The following TNRC18 variants were observed in gnomAD, a reference collection of about 807,000 sequenced individuals.
TNRC18 encodes the protein trinucleotide repeat containing 18, also known as trinucleotide repeat-containing gene 18 protein.
Under a neutral mutation model 226.7 loss-of-function variants are expected in TNRC18, and 69 were observed. That is an observed-to-expected ratio of 0.30 (90% CI 0.25 to 0.37). TNRC18 has a LOEUF of 0.37. Among genes scored for constraint, TNRC18 ranks in the 10% least tolerant of loss-of-function variants. The pLI is 1.00. For missense variants in TNRC18, 4,754 were observed against 4,256.6 expected, an observed-to-expected ratio of 1.12 and a Z score of -3.25; for synonymous variants, 2,449 against 1,927.6, an observed-to-expected ratio of 1.27 and a Z score of -7.09.
chr7:5,385,252 C>G (rs1192595752), intron 5 of TNRC18, among the ~76,000 whole-genome samples: 1 of 152,018 alleles, frequency 6.6e-6, no homozygotes, highest in Non-Finnish European at 1.5e-5. Flanking sequence ...TTCAGGAGGC[C>G]AAGGTGGGCA....
intron 18 of TNRC18, among the ~76,000 whole-genome samples, chr7:5,343,199 C>T (rs541622644): frequency 6.6e-6 from 1 of 151,874 alleles, no homozygotes; most frequent in South Asian, 2.1e-4. Context: ...ATTAAAAATA[C>T]AAAAATTAGC....
intron 2 of TNRC18, among the ~76,000 whole-genome samples, chr7:5,395,713 C>T (rs893481408): frequency 2.0e-5 from 3 of 152,306 alleles, no homozygotes; most frequent in Admixed American, 6.5e-5. Context: ...ATAATGAGGC[C>T]GAACACGGTG....
intron 17 of TNRC18, among the ~76,000 whole-genome samples, chr7:5,350,388 G>T (rs1001953632): frequency 6.8e-6 from 1 of 147,276 alleles, no homozygotes; most frequent in African/African-American, 2.5e-5. Context: ...TCTGGGAGGG[G>T]AGGCGGTAGA....
At chr7:5,416,899 GAGGAGCC>G (rs1438810965) in intron 2 of TNRC18, among the ~76,000 whole-genome samples, 2 of 152,092 alleles carry the variant, frequency 1.3e-5, no homozygotes, top group Non-Finnish European at 2.9e-5. Flanking sequence ...GCCAAGGCAG[GAGGAGCC>G]CAGGAGTTTG....
intron 11 of TNRC18, among the ~76,000 whole-genome samples, chr7:5,369,857 G>A (rs949848519): frequency 6.6e-5 from 10 of 152,280 alleles, no homozygotes; most frequent in African/African-American, 2.4e-4. Flanking sequence ...CAGACTGGCT[G>A]CACAGTGCAA....
Position 5,333,030 on chromosome 7 carries a change from G to T in TNRC18, c.5739C>A (p.Thr1913=), listed in dbSNP as rs375702369. Residue 1913 remains threonine, a synonymous_variant, in exon 19 of 30, where the codon ACC becomes ACA. Transcript: ENST00000430969. ...GCACCTTGACCTCGCTCTCTGAGTCGGTGTACTCGAACTCTGTGCCTGAAC... is the reference window on the plus strand; with the variant it reads ...GCACCTTGACCTCGCTCTCTGAGTCTGTGTACTCGAACTCTGTGCCTGAAC... The part of the protein sequence containing the change: ...QSLLGTEFEY[T]DSESEVKVRK... 77 of 1,577,348 alleles carry T rather than the reference G, an allele frequency of 4.9e-5. No individual in the cohort carries two copies. Among genetic ancestry groups the T allele is most frequent in the Non-Finnish European group, 6.4e-5 (75 of 1,169,892 alleles).
Position 5,352,098 on chromosome 7 carries a change from C to A in TNRC18, c.5195-4G>T. 1 of 1,595,066 alleles carries A rather than the reference C, an allele frequency of 6.3e-7. No individual in the cohort carries two copies. Among genetic ancestry groups the A allele is most frequent in the Non-Finnish European group, 8.5e-7 (1 of 1,170,156 alleles). ...TCGTCTTCCTCTGAGTCCGTATCTG[C>A]AGTCAAAGTAGTTTTTAATAGAGAT... On this transcript the variant is annotated splice_region_variant and splice_polypyrimidine_tract_variant and intron_variant, in intron 16 of 29. Transcript: ENST00000430969.
intron 13 of TNRC18, 43 bp downstream of exon 13, chr7:5,361,854 G>A (rs1225574573): frequency 1.3e-6 from 2 of 1,512,670 alleles, no homozygotes. Flanking sequence ...GGCCTGGTGG[G>A]CCGGGGCAGG....
At chr7:5,403,773 G>C (rs1004392969) in intron 2 of TNRC18, among the ~76,000 whole-genome samples, 39 of 151,440 alleles carry the variant, frequency 2.6e-4, no homozygotes, top group Middle Eastern at 3.4e-3. Context: ...CTGGGCAACA[G>C]AGTGAGACCC....
Position 5,377,008 on chromosome 7 carries a change from C to T in TNRC18, c.2462-15G>A. The T allele has an allele frequency of 6.4e-7, 1 of 1,566,962 alleles. No homozygotes were observed. Among genetic ancestry groups the T allele is most frequent in the Non-Finnish European group, 8.6e-7 (1 of 1,156,804 alleles). On this transcript the variant is annotated splice_polypyrimidine_tract_variant and intron_variant, in intron 7 of 29. Transcript: ENST00000430969. This position sits in a 1 kb window ranked among gnomAD's most constrained non-coding sequence, Gnocchi z 5.8. Reference sequence around the variant, plus strand: ...GGGACCCAAGCCTAGGAGGAGAAGCCCAGGCCTGAGTCAGTGCTGGGAGCC... The same window carrying T: ...GGGACCCAAGCCTAGGAGGAGAAGCTCAGGCCTGAGTCAGTGCTGGGAGCC...
rs1389069176 is a variant in TNRC18, at chr7:5,387,851, G to A, written c.1973C>T (p.Pro658Leu). 1 of 1,601,582 alleles carries A rather than the reference G, an allele frequency of 6.2e-7. No individual in the cohort carries two copies. Among genetic ancestry groups the A allele is most frequent in the Non-Finnish European group, 8.5e-7 (1 of 1,177,142 alleles). Residue 658 changes from proline to leucine, a missense_variant, in exon 5 of 30, where the codon CCC becomes CTC. Coordinates refer to ENST00000430969, the MANE Select transcript of TNRC18 (RefSeq NM_001080495.3). ...GCGCCCGAAAGCTTTGGCGCTCTCG[G>A]GCCTCTCGGGGTCCCGCTTCAGCTG... ...GRQLKRDPER[P>L]ESAKAFGREG...
intron 2 of TNRC18, among the ~76,000 whole-genome samples, chr7:5,400,077 TAG>T (rs1780977732): frequency 6.6e-6 from 1 of 152,072 alleles, no homozygotes; most frequent in Non-Finnish European, 1.5e-5. Flanking sequence ...TTCTTTTTCG[TAG>T]AGTCAGGATC....
intron 10 of TNRC18, among the ~76,000 whole-genome samples, chr7:5,372,061 G>A (rs1366529878): frequency 1.4e-5 from 2 of 139,274 alleles, no homozygotes; most frequent in Non-Finnish European, 3.1e-5. Context: ...GACCCACCGC[G>A]CCTGGCTAAT....
chr7:5,316,439 C>CCG (rs1787859318), intron 24 of TNRC18, among the ~76,000 whole-genome samples: 5 of 151,932 alleles, frequency 3.3e-5, no homozygotes, highest in African/African-American at 1.2e-4. Context: ...GCCACCATGC[C>CCG]TGGCTAATTC....
intron 2 of TNRC18, among the ~76,000 whole-genome samples, chr7:5,404,517 C>T (rs1028422461): frequency 2.0e-5 from 3 of 152,144 alleles, no homozygotes; most frequent in Admixed American, 6.6e-5. Flanking sequence ...ATTTTTGCTT[C>T]TAGTTGTGGA....
chr7:5,325,724 ATT>A (rs66514806), intron 19 of TNRC18: 26,153 of 62,200 alleles, frequency 0.42, 5,384 homozygotes, highest in Non-Finnish European at 0.44. Flanking sequence ...GCGCCCTGCA[ATT>A]TTTTTTTTTT....
chr7:5,307,657 G>A lies in TNRC18; in HGVS notation c.*449C>T, dbSNP rs888948974. 2 of 382,206 alleles carry A rather than the reference G, an allele frequency of 5.2e-6. No homozygotes were observed. The highest frequency in any genetic ancestry group is 1.8e-5 in the South Asian group (1 of 54,462). 23.7% of individuals were successfully genotyped at this position (382,206 alleles called of 1,614,324 possible). ...CATGCACGGTGGGAGGCCTTGGGGT[G>A]GGCTCCATGCTAAGGGTGCTTGGGA... On this transcript the variant is annotated 3_prime_UTR_variant, in exon 30 of 30. Coordinates refer to ENST00000430969, the MANE Select transcript of TNRC18 (RefSeq NM_001080495.3).
chr7:5,408,158 G>T lies in TNRC18; in HGVS notation c.187+12902C>A, dbSNP rs1028590165. 3.9e-5 allele frequency among the ~76,000 whole-genome samples: 6 copies of T among 152,158 alleles called. 1 individual carries two copies. The highest frequency in any genetic ancestry group is 3.9e-4 in the Admixed American group (6 of 15,276). On this transcript the variant is annotated intron_variant, in intron 2 of 29. Coordinates refer to ENST00000430969, the MANE Select transcript of TNRC18 (RefSeq NM_001080495.3). ...CTGCTAAAATACAAAAATTAGCTGG[G>T]CGTGGTGGCGCGCGCCTCTAGTCCC...
intron 24 of TNRC18, among the ~76,000 whole-genome samples, chr7:5,316,833 G>A (rs1787898993): frequency 1.3e-5 from 2 of 152,156 alleles, no homozygotes; most frequent in Admixed American, 1.3e-4. Context: ...GGAGGAGGTG[G>A]TTTTCCTAAG....
Sources: gnomAD v4.1 joint callset for allele counts (sites outside exome capture counted in the v4.1 genomes callset) on GRCh38, gnomAD v4.1.1 for gene constraint, Gnocchi (gnomAD v3.1) non-coding constraint, MANE v1.5 for transcripts, NCBI Gene and HGNC (gene_info 2026-07-23, HGNC 2026-07-21) for gene names.